The following ZNF280D variants were observed in gnomAD, a reference collection of about 807,000 sequenced individuals.
ZNF280D encodes zinc finger protein 280D.
Under a neutral mutation model 94.7 loss-of-function variants are expected in ZNF280D, and 39 were observed. That is an observed-to-expected ratio of 0.41 (90% CI 0.32 to 0.54). ZNF280D has a LOEUF of 0.54. Among genes scored for constraint, ZNF280D ranks in the 20% least tolerant of loss-of-function variants. The pLI is 0.22. For missense variants in ZNF280D, 1,090 were observed against 1,149.3 expected, an observed-to-expected ratio of 0.95 and a Z score of 0.75; for synonymous variants, 398 against 377.6, an observed-to-expected ratio of 1.05 and a Z score of -0.63.
intron 20 of ZNF280D, among the ~76,000 whole-genome samples, chr15:56,638,679 A>G (rs1270053423): frequency 3.9e-5 from 6 of 151,944 alleles, no homozygotes; most frequent in East Asian, 1.9e-4. Flanking sequence ...TATTTTTCAG[A>G]AAAAAAATGT....
chr15:56,706,953 A>G (rs2057439990), intron 3 of ZNF280D, 129 bp downstream of exon 3: 2 of 799,828 alleles, frequency 2.5e-6, no homozygotes, highest in Non-Finnish European at 4.1e-6. Context: ...TTATGTGAAC[A>G]TTTGTTACTT....
At position 56,632,098 on chromosome 15, in the gene ZNF280D, TGAA is replaced by T. The variant is rs2052104589; in HGVS notation, c.2337_2339del (p.Ser780del). On this transcript the variant is annotated inframe_deletion, in exon 22 of 22. Coordinates refer to ENST00000267807, the MANE Select transcript of ZNF280D (RefSeq NM_017661.4). ...TTGCATTACATCCATTTTTTTCTTT[TGAA>T]GAAGCAGCTTTATCTTGTTTACTGA... is the stretch of plus-strand genomic sequence containing the variant. 15 of 1,586,610 alleles carry T rather than the reference TGAA, an allele frequency of 9.5e-6. 1 individual carries two copies. The Middle Eastern group carries it at 5.6e-4, about 59-fold the overall frequency.
intron 20 of ZNF280D, among the ~76,000 whole-genome samples, chr15:56,637,633 A>T (rs1343362154): frequency 6.6e-6 from 1 of 152,168 alleles, no homozygotes; most frequent in Non-Finnish European, 1.5e-5. Context: ...AATTCATATC[A>T]TCCGTTTCCA....
intron 6 of ZNF280D, among the ~76,000 whole-genome samples, chr15:56,696,591 T>A (rs1405961166): frequency 6.6e-6 from 1 of 152,202 alleles, no homozygotes; most frequent in Non-Finnish European, 1.5e-5. Flanking sequence ...CTGAAAGCGA[T>A]GTTGAGATAC....
intron 9 of ZNF280D, among the ~76,000 whole-genome samples, chr15:56,684,427 T>C (rs973285748): frequency 4.0e-5 from 6 of 151,884 alleles, no homozygotes; most frequent in East Asian, 1.9e-4. Flanking sequence ...AAAAACATAA[T>C]GAAGCAACTG....
At chr15:56,730,810 C>T (rs1393756555) in intron 1 of ZNF280D, among the ~76,000 whole-genome samples, 3 of 152,222 alleles carry the variant, frequency 2.0e-5, no homozygotes, top group South Asian at 2.1e-4. Flanking sequence ...AACGACTGCT[C>T]CCAACTGTGT....
chr15:56,681,200 T>C (rs1470221434), intron 10 of ZNF280D, among the ~76,000 whole-genome samples: 5 of 152,238 alleles, frequency 3.3e-5, no homozygotes, highest in African/African-American at 1.2e-4. Context: ...TTATGTATGC[T>C]TCTTTTTGGA....
intron 19 of ZNF280D, among the ~76,000 whole-genome samples, chr15:56,643,730 T>A (rs1375659221): frequency 6.6e-6 from 1 of 151,944 alleles, no homozygotes; most frequent in African/African-American, 2.4e-5. Flanking sequence ...TGTGATATTA[T>A]ACATTAAACT....
At chr15:56,648,309 T>G (rs533785206) in intron 19 of ZNF280D, among the ~76,000 whole-genome samples, 2 of 152,210 alleles carry the variant, frequency 1.3e-5, no homozygotes, top group Non-Finnish European at 2.9e-5. Context: ...TAGGGCAGTA[T>G]TTCTATGAAG....
intron 20 of ZNF280D, among the ~76,000 whole-genome samples, chr15:56,636,123 G>T (rs1450952133): frequency 6.6e-6 from 1 of 152,038 alleles, no homozygotes; most frequent in Non-Finnish European, 1.5e-5. Context: ...TAAAACAAGG[G>T]CAAAGAAATA....
intron 13 of ZNF280D, among the ~76,000 whole-genome samples, chr15:56,675,295 C>A (rs1193423556): frequency 6.6e-6 from 1 of 151,896 alleles, no homozygotes; most frequent in Non-Finnish European, 1.5e-5. Flanking sequence ...GTTTAAAAAC[C>A]CCATCGTGAA....
intron 19 of ZNF280D, chr15:56,653,199 T>G (rs2053312981): frequency 5.8e-5 from 62 of 1,065,136 alleles, no homozygotes; most frequent in Non-Finnish European, 6.9e-5. Flanking sequence ...TTATATTCCT[T>G]GGACTGCATT....
chr15:56,690,005 G>T (rs2056330964), intron 7 of ZNF280D, among the ~76,000 whole-genome samples: 1 of 152,166 alleles, frequency 6.6e-6, no homozygotes, highest in Non-Finnish European at 1.5e-5. Context: ...TCTACTCATG[G>T]CTTTGAGTGG....
chr15:56,728,420 G>C (rs1252294259), intron 1 of ZNF280D, among the ~76,000 whole-genome samples: 3 of 152,182 alleles, frequency 2.0e-5, no homozygotes, highest in Non-Finnish European at 4.4e-5. Context: ...TCATTGGATT[G>C]ATCATTCTAG....
intron 4 of ZNF280D, among the ~76,000 whole-genome samples, chr15:56,701,858 C>T (rs1226377838): frequency 6.6e-6 from 1 of 151,884 alleles, no homozygotes; most frequent in Non-Finnish European, 1.5e-5. Context: ...TCAAATTTAC[C>T]ACTACACCAG....
Position 56,631,307 on chromosome 15 carries a change from C to A in ZNF280D, c.*191G>T. 1.8e-6 allele frequency: 1 copy of A among 540,982 alleles called. No individual in the cohort carries two copies. The allele number at this position is 540,982 out of a possible 1,614,324, so 33.5% of individuals were successfully genotyped here. A position where few individuals can be genotyped will look rare whatever the true frequency, so the allele number is the denominator to read the frequency against. On this transcript the variant is annotated 3_prime_UTR_variant, in exon 22 of 22. Coordinates refer to ENST00000267807, the MANE Select transcript of ZNF280D (RefSeq NM_017661.4). Reference sequence around the variant, plus strand: ...GTGTTTTTAAAAACTTTTTGGGAATCCCTACTAATCATGCTATTATTGGTG... The same window carrying A: ...GTGTTTTTAAAAACTTTTTGGGAATACCTACTAATCATGCTATTATTGGTG...
intron 19 of ZNF280D, chr15:56,652,654 G>T (rs1192626816): frequency 3.0e-6 from 3 of 985,118 alleles, no homozygotes; most frequent in East Asian, 1.1e-4. Context: ...TTTACCCAAA[G>T]GAGCTACATT....
chr15:56,707,388 G>A (rs2057472652), intron 1 of ZNF280D, 82 bp from the exon 2 acceptor site: 9 of 1,238,942 alleles, frequency 7.3e-6, no homozygotes, highest in South Asian at 4.0e-5. Context: ...CCTATACAGA[G>A]GTCAATTATG....
chr15:56,637,148 AG>A (rs1254029146), intron 20 of ZNF280D, among the ~76,000 whole-genome samples: 1 of 149,778 alleles, frequency 6.7e-6, no homozygotes, highest in African/African-American at 2.5e-5. Context: ...TCAACCCCAA[AG>A]AAAAAATTTT....
Sources: gnomAD v4.1 joint callset for allele counts (sites outside exome capture counted in the v4.1 genomes callset) on GRCh38, gnomAD v4.1.1 for gene constraint, MANE v1.5 for transcripts, NCBI Gene and HGNC (gene_info 2026-07-23, HGNC 2026-07-21) for gene names.